The following KIF26B variants were observed in gnomAD, a reference collection of about 807,000 sequenced individuals.
KIF26B encodes the protein kinesin family member 26B.
KIF26B carries 63 observed loss-of-function variants against 151.2 expected under a neutral mutation model. That is an observed-to-expected ratio of 0.42 (90% confidence interval 0.34 to 0.51). The LOEUF is 0.51. Ranked by LOEUF, KIF26B falls within the 20% of genes least tolerant of loss-of-function variation. The pLI is 0.07. For synonymous variants in KIF26B, 1,357 were observed against 1,262.1 expected (o/e 1.08, Z -1.59); for missense variants, 2,813 against 2,913.6 (o/e 0.97, Z 0.79).
At chr1:245,378,733 G>T (rs1673333879) in intron 3 of KIF26B, among the ~76,000 whole-genome samples, 1 of 152,130 alleles carries the variant, frequency 6.6e-6, no homozygotes, top group African/African-American at 2.4e-5. Context: ...ACTCATCAAT[G>T]ATTTTATCCA....
At chr1:245,636,367 TAAC>T (rs2043834216) in intron 9 of KIF26B, among the ~76,000 whole-genome samples, 1 of 151,588 alleles carries the variant, frequency 6.6e-6, no homozygotes, top group Non-Finnish European at 1.5e-5. Context: ...TTTTTGACTC[TAAC>T]AACATTTTTC....
chr1:245,274,183 G>T (rs1207684042), intron 2 of KIF26B, among the ~76,000 whole-genome samples: 1 of 151,808 alleles, frequency 6.6e-6, no homozygotes, highest in Non-Finnish European at 1.5e-5. Context: ...TTTTTATGTT[G>T]TGTATCCATT....
chr1:245,537,226 C>T (rs537049170), intron 4 of KIF26B, among the ~76,000 whole-genome samples: 19 of 152,276 alleles, frequency 1.2e-4, no homozygotes, highest in African/African-American at 4.3e-4. Flanking sequence ...CAGGCTGACT[C>T]AAGAGCCTGT....
At chr1:245,314,605 G>A (rs1671728134) in intron 2 of KIF26B, among the ~76,000 whole-genome samples, 1 of 152,122 alleles carries the variant, frequency 6.6e-6, no homozygotes, top group Non-Finnish European at 1.5e-5. Flanking sequence ...GCTTGTCTGG[G>A]TGAGGGGACG....
At chr1:245,156,879 C>G (rs1011169415) in intron 2 of KIF26B, among the ~76,000 whole-genome samples, 196 bp downstream of exon 2, 2 of 152,140 alleles carry the variant, frequency 1.3e-5, no homozygotes, top group Non-Finnish European at 2.9e-5. Context: ...CCAGGCCGCC[C>G]GGGGGGCAGG....
At chr1:245,432,666 A>G (rs1048618319) in intron 4 of KIF26B, among the ~76,000 whole-genome samples, 1 of 152,232 alleles carries the variant, frequency 6.6e-6, no homozygotes, top group Non-Finnish European at 1.5e-5. Flanking sequence ...GGGTAAAATC[A>G]TGTGGAAGAC....
chr1:245,425,237 C>T (rs1010988434), intron 4 of KIF26B, among the ~76,000 whole-genome samples: 1 of 152,210 alleles, frequency 6.6e-6, no homozygotes, highest in East Asian at 1.9e-4. Context: ...TTGGGTGAAA[C>T]CCTAGCTTTG....
intron 4 of KIF26B, among the ~76,000 whole-genome samples, chr1:245,506,036 C>T (rs905523180): frequency 6.6e-6 from 1 of 152,196 alleles, no homozygotes; most frequent in Non-Finnish European, 1.5e-5. Flanking sequence ...TTCTTCCTTG[C>T]ATGTGAATAC....
chr1:245,686,427 G>A lies in KIF26B; in HGVS notation c.3444G>A (p.Pro1148=), dbSNP rs3820246. 34,644 of 1,613,346 alleles carry A rather than the reference G, an allele frequency of 0.021. 1,586 individuals carry two copies. Among genetic ancestry groups the A allele is most frequent in the Admixed American group, 0.18 (10,529 of 60,010 alleles). ...KSMSAGSEGF[P]ETPVDDEQQA... ...TGTCTGCTGGGAGCGAAGGGTTCCC[G>A]GAAACTCCTGTCGATGATGAGCAGC... is the stretch of plus-strand genomic sequence containing the variant. The change falls in exon 12 of 15, where the codon CCG becomes CCA. Residue 1148 remains proline, a synonymous_variant. Coordinates refer to ENST00000407071, the MANE Select transcript of KIF26B (RefSeq NM_018012.4). The surrounding 1 kb of genome is among the most constrained non-coding windows in gnomAD (Gnocchi z 5.6).
intron 2 of KIF26B, among the ~76,000 whole-genome samples, chr1:245,180,075 G>A (rs768301778): frequency 2.6e-5 from 4 of 152,206 alleles, no homozygotes; most frequent in Admixed American, 1.3e-4. Context: ...AGGGAATTTC[G>A]AAGCAAGATC....
In KIF26B at chr1:245,239,230, G is replaced by A. The variant is rs1011116633; in HGVS notation, c.465+82547G>A. Among the ~76,000 whole-genome samples the A allele has an allele frequency of 1.3e-5, 2 of 152,108 alleles. No homozygotes were observed. Among genetic ancestry groups the A allele is most frequent in the African/African-American group, 4.8e-5 (2 of 41,422 alleles). On this transcript the variant is annotated intron_variant, in intron 2 of 14. Transcript: ENST00000407071. This position sits in a 1 kb window ranked among gnomAD's most constrained non-coding sequence, Gnocchi z 4.3. ...ATGCCTCCATGTTCTTCCGTCATCC[G>A]TGCAGATATCAGGCTGCAGTCCCGC...
At chr1:245,550,355 C>T (rs1661850044) in intron 5 of KIF26B, among the ~76,000 whole-genome samples, 1 of 152,216 alleles carries the variant, frequency 6.6e-6, no homozygotes, top group Admixed American at 6.5e-5. Flanking sequence ...TCAGTTTCCG[C>T]TGAGTTCTTT....
intron 5 of KIF26B, among the ~76,000 whole-genome samples, chr1:245,547,853 G>A (rs1414559735): frequency 6.6e-6 from 1 of 152,114 alleles, no homozygotes; most frequent in South Asian, 2.1e-4. Flanking sequence ...GACCCACAGT[G>A]AGCAGGGAGG....
intron 4 of KIF26B, among the ~76,000 whole-genome samples, chr1:245,494,852 C>T (rs749575820): frequency 6.6e-6 from 1 of 151,636 alleles, no homozygotes; most frequent in Non-Finnish European, 1.5e-5. Flanking sequence ...CCAGCCTAGG[C>T]AACACGGTGA....
intron 2 of KIF26B, among the ~76,000 whole-genome samples, chr1:245,261,062 C>CCTTCCTTCCTTCCCTCCCTCTCTCCCTG (rs1670627724): frequency 3.3e-5 from 5 of 150,870 alleles, no homozygotes; most frequent in African/African-American, 1.2e-4. Flanking sequence ...CTCTCTCTCT[C>CCTTCCTTCCTTCCCTCCCTCTCTCCCTG]CTTCCTTCCT....
At chr1:245,664,842 G>T (rs2044196183) in intron 10 of KIF26B, among the ~76,000 whole-genome samples, 1 of 151,722 alleles carries the variant, frequency 6.6e-6, no homozygotes, top group Admixed American at 6.6e-5. Context: ...TTAATGTCAG[G>T]GCGTTTTTCT....
At chr1:245,552,479 G>A (rs575158489) in intron 5 of KIF26B, among the ~76,000 whole-genome samples, 82 of 152,212 alleles carry the variant, frequency 5.4e-4, no homozygotes, top group South Asian at 3.9e-3. Context: ...CCGGGGCCCA[G>A]CCAAATTGAC....
intron 3 of KIF26B, among the ~76,000 whole-genome samples, chr1:245,413,434 G>A (rs1202050206): frequency 1.3e-5 from 2 of 152,186 alleles, no homozygotes; most frequent in Non-Finnish European, 2.9e-5. Flanking sequence ...AGGCTGAGGT[G>A]GATGGATCAC....
chr1:245,612,093 T>C (rs1046226839), intron 9 of KIF26B, 117 bp downstream of exon 9: 1 of 721,246 alleles, frequency 1.4e-6, no homozygotes, highest in Admixed American at 3.2e-5. Flanking sequence ...TGTGTGTGTG[T>C]GTGTGTGTGT....
Sources: gnomAD v4.1 joint callset for allele counts (sites outside exome capture counted in the v4.1 genomes callset) on GRCh38, gnomAD v4.1.1 for gene constraint, Gnocchi (gnomAD v3.1) non-coding constraint, MANE v1.5 for transcripts, NCBI Gene and HGNC (gene_info 2026-07-23, HGNC 2026-07-21) for gene names.